ADI1: variants seen among roughly 807,000 people sequenced by gnomAD.
ADI1 encodes acireductone dioxygenase.
Under a neutral mutation model 18.7 loss-of-function variants are expected in ADI1, and 21 were observed. The observed-to-expected ratio is 1.13, with a 90% CI of 0.80 to 1.62. ADI1 has a LOEUF of 1.62. Among genes scored for constraint, ADI1 ranks in the 40% most tolerant of loss-of-function variants. The pLI, the probability that ADI1 is intolerant of heterozygous loss-of-function variation, is 0.00. For synonymous variants in ADI1, 90 were observed against 100.1 expected (o/e 0.90, Z 0.60); for missense variants, 245 against 254.9 (o/e 0.96, Z 0.26).
At chr2:3,502,999 C>T (rs1016033376) in intron 2 of ADI1, among the ~76,000 whole-genome samples, 3 of 152,080 alleles carry the variant, frequency 2.0e-5, no homozygotes, top group African/African-American at 7.2e-5. Context: ...CAAAGGAAAG[C>T]CCTGTGGATG....
At chr2:3,502,123 T>C (rs949888744) in intron 2 of ADI1, among the ~76,000 whole-genome samples, 2 of 151,972 alleles carry the variant, frequency 1.3e-5, no homozygotes, top group African/African-American at 4.8e-5. Flanking sequence ...ACTCTGGGGC[T>C]CAAGAGATCC....
intron 2 of ADI1, among the ~76,000 whole-genome samples, chr2:3,513,232 G>T (rs1488491350): frequency 6.6e-6 from 1 of 152,102 alleles, no homozygotes; most frequent in Admixed American, 6.6e-5. Flanking sequence ...CTTGAACTTG[G>T]GACTTTTAAG....
chr2:3,519,107 G>A (rs1400081867), intron 1 of ADI1, among the ~76,000 whole-genome samples: 6 of 148,236 alleles, frequency 4.0e-5, no homozygotes, highest in Admixed American at 1.3e-4. Context: ...GCTGACCGCC[G>A]ACCCCTCAAC....
At chr2:3,499,199 T>C (rs1572229826) in intron 3 of ADI1, 117 bp from the exon 4 acceptor site, 1 of 1,414,722 alleles carries the variant, frequency 7.1e-7, no homozygotes, top group East Asian at 2.5e-5. Context: ...CTTGCTATTT[T>C]TATTCTGCGT....
intron 2 of ADI1, among the ~76,000 whole-genome samples, chr2:3,513,223 T>G (rs1448967239): frequency 6.6e-6 from 1 of 152,204 alleles, no homozygotes; most frequent in Non-Finnish European, 1.5e-5. Flanking sequence ...GACTTTGGAC[T>G]TGAACTTGGG....
rs1667063137 is a variant in ADI1, at chr2:3,503,113, T to C, written c.241-2120A>G. On this transcript the variant is annotated intron_variant, in intron 2 of 3. Transcript: ENST00000327435. ...CACACAAGCACACACACTCCCATGC[T>C]AGCATTCACACACAAACCTACACAC... 5.9e-5 allele frequency among the ~76,000 whole-genome samples: 9 copies of C among 151,770 alleles called. No homozygotes were observed. The South Asian group carries it at 1.9e-3, about 32-fold the overall frequency.
chr2:3,517,739 C>A (rs1214375799), intron 1 of ADI1: 1 of 150,934 alleles, frequency 6.6e-6, no homozygotes, highest in Non-Finnish European at 1.5e-5. Flanking sequence ...GCACTCCAGC[C>A]TGGGCAAAAA....
At chr2:3,502,513 C>T (rs1448882690) in intron 2 of ADI1, among the ~76,000 whole-genome samples, 3 of 144,296 alleles carry the variant, frequency 2.1e-5, no homozygotes, top group Non-Finnish European at 3.0e-5. Flanking sequence ...AGTGCAATGG[C>T]GCGATCTCGG....
At chr2:3,509,785 A>C (rs1315197644) in intron 2 of ADI1, among the ~76,000 whole-genome samples, 2 of 151,990 alleles carry the variant, frequency 1.3e-5, no homozygotes, top group African/African-American at 2.4e-5. Flanking sequence ...ACTTGAGGCC[A>C]GGAGTTCAAG....
chr2:3,511,885 G>A (rs1487311652), intron 2 of ADI1, among the ~76,000 whole-genome samples: 1 of 152,216 alleles, frequency 6.6e-6, no homozygotes, highest in Non-Finnish European at 1.5e-5. Flanking sequence ...AACATCACAC[G>A]TTTGCCTCAG....
At position 3,508,432 on chromosome 2, in the gene ADI1, A is replaced by T. The variant is rs1667225449; in HGVS notation, c.240+5425T>A. Among the ~76,000 whole-genome samples, 7 of 152,160 alleles carry T rather than the reference A, an allele frequency of 4.6e-5. No homozygotes were observed. The South Asian group carries it at 1.5e-3, about 32-fold the overall frequency. On this transcript the variant is annotated intron_variant, in intron 2 of 3. Transcript: ENST00000327435. ...GGTAGACATTAATTCAACTGTATTA[A>T]TAACCAATTTAAACATGAATGATCT...
intron 1 of ADI1, chr2:3,516,858 A>T: frequency 1.0e-6 from 1 of 985,422 alleles, no homozygotes; most frequent in Non-Finnish European, 1.2e-6. Context: ...TCTGTTAAAA[A>T]TTATGGGAGA....
intron 2 of ADI1, among the ~76,000 whole-genome samples, chr2:3,509,226 T>G (rs1464993853): frequency 6.6e-6 from 1 of 152,180 alleles, no homozygotes; most frequent in Non-Finnish European, 1.5e-5. Context: ...ACAAATCCAC[T>G]ATTACAGTTG....
In ADI1 at chr2:3,513,930, C is replaced by A. The variant is rs774498045; in HGVS notation, c.167G>T (p.Arg56Leu). ...CATCCAGGAGTAGTTCCTCTCTCTT[C>A]GGATCTTTTCTAATTCTGGATCATT... ...YENDPELEKI[R>L]RERNYSWMDI... The change falls in exon 2 of 4, where the codon CGA becomes CTA. Residue 56 changes from arginine (R) to leucine (L), a missense_variant. Coordinates refer to ENST00000327435, the MANE Select transcript of ADI1 (RefSeq NM_018269.4). The A allele has an allele frequency of 1.9e-6, 3 of 1,612,156 alleles. No individual in the cohort carries two copies. The highest frequency in any genetic ancestry group is 1.7e-6 in the Non-Finnish European group (2 of 1,179,626).
intron 1 of ADI1, chr2:3,515,055 T>C (rs1475966803): frequency 2.0e-6 from 1 of 496,620 alleles, no homozygotes; most frequent in Non-Finnish European, 3.3e-6. Context: ...GTAAAACATG[T>C]GTGTTTGAAC....
At chr2:3,501,705 C>T (rs11695919) in intron 2 of ADI1, among the ~76,000 whole-genome samples, 73,525 of 151,386 alleles carry the variant, frequency 0.49, 20,905 homozygotes, top group African/African-American at 0.81. Context: ...TTTTTGTATT[C>T]TCAGTAGAGA....
At chr2:3,501,032 C>T (rs1342011824) in intron 2 of ADI1, 39 bp from the exon 3 acceptor site, 1 of 1,529,194 alleles carries the variant, frequency 6.5e-7, no homozygotes, top group South Asian at 1.3e-5. Flanking sequence ...CTACCAGAGA[C>T]CTGTCACGCA....
At chr2:3,516,777 T>A (rs993498540) in intron 1 of ADI1, 24 of 985,250 alleles carry the variant, frequency 2.4e-5, no homozygotes, top group Admixed American at 6.2e-5. Flanking sequence ...TGACAAAAGG[T>A]TTTTTAGAAC....
rs539728128 is a variant in ADI1, at chr2:3,497,685, A to C, written c.*1278T>G. On this transcript the variant is annotated 3_prime_UTR_variant, in exon 4 of 4. Coordinates refer to ENST00000327435, the MANE Select transcript of ADI1 (RefSeq NM_018269.4). ...CAGGAACTTACTCTTGCCTGTAAAAATACAGCTCTGAAGTGAAGAAATCCC... is the reference window on the plus strand; with the variant it reads ...CAGGAACTTACTCTTGCCTGTAAAACTACAGCTCTGAAGTGAAGAAATCCC... 3.9e-5 allele frequency: 6 copies of C among 152,284 alleles called. No homozygotes were observed. The highest frequency in any genetic ancestry group is 7.3e-5 in the Non-Finnish European group (5 of 68,044). 9.4% of individuals were successfully genotyped at this position (152,284 alleles called of 1,614,324 possible).
Sources: allele counts gnomAD v4.1 joint callset (sites outside exome capture counted in the v4.1 genomes callset), GRCh38; gene constraint gnomAD v4.1.1; transcripts MANE v1.5; gene names NCBI Gene and HGNC (gene_info 2026-07-23, HGNC 2026-07-21).